PAPPA: variants seen among roughly 807,000 people sequenced by gnomAD.
PAPPA encodes pappalysin-1.
In PAPPA, 60 loss-of-function variants were observed where a neutral mutation model predicts 164.0. The ratio of observed to expected loss-of-function variants is 0.37; its 90% CI spans 0.30 to 0.45. PAPPA has a LOEUF of 0.45. Ranked by LOEUF, PAPPA falls within the 20% of genes least tolerant of loss-of-function variation. PAPPA has a pLI of 1.00. For missense variants in PAPPA, 1,782 were observed against 2,087.3 expected (o/e 0.85, Z 2.85); for synonymous variants, 875 against 814.1 (o/e 1.07, Z -1.27).
At chr9:116,312,909 T>G (rs1368634848) in intron 10 of PAPPA, among the ~76,000 whole-genome samples, 1 of 151,602 alleles carries the variant, frequency 6.6e-6, no homozygotes, top group Non-Finnish European at 1.5e-5. Context: ...CGGTGAAACC[T>G]CATCTCTACT....
intron 7 of PAPPA, among the ~76,000 whole-genome samples, chr9:116,244,235 C>G (rs1844770097): frequency 6.6e-6 from 1 of 152,100 alleles, no homozygotes; most frequent in African/African-American, 2.4e-5. Flanking sequence ...CTGTTTGGTG[C>G]TAATACCACC....
intron 1 of PAPPA, among the ~76,000 whole-genome samples, chr9:116,182,150 A>C (rs1313576500): frequency 6.6e-6 from 1 of 152,208 alleles, no homozygotes; most frequent in East Asian, 1.9e-4. Context: ...GTCTATCCTG[A>C]AGAGGGAGCA....
chr9:116,348,348 G>C (rs1229594652), intron 15 of PAPPA, among the ~76,000 whole-genome samples: 2 of 151,442 alleles, frequency 1.3e-5, no homozygotes, highest in African/African-American at 4.9e-5. Context: ...CACCTAATTT[G>C]CCCTCCCACC....
intron 9 of PAPPA, among the ~76,000 whole-genome samples, chr9:116,291,635 T>C (rs910756140): frequency 1.3e-5 from 2 of 152,044 alleles, no homozygotes; most frequent in Non-Finnish European, 2.9e-5. Flanking sequence ...GCCAGAAATA[T>C]CTGAAAATTC....
chr9:116,192,384 T>C (rs1423048328), intron 2 of PAPPA, among the ~76,000 whole-genome samples: 1 of 152,208 alleles, frequency 6.6e-6, no homozygotes, highest in Non-Finnish European at 1.5e-5. Flanking sequence ...ATCCAGACCA[T>C]GAGCAGAGAA....
intron 1 of PAPPA, among the ~76,000 whole-genome samples, chr9:116,160,075 C>T (rs947909366): frequency 6.6e-6 from 1 of 152,166 alleles, no homozygotes; most frequent in African/African-American, 2.4e-5. Flanking sequence ...ACGGGTGTTT[C>T]CCAAAGCCTT....
At chr9:116,250,015 G>A (rs1157888549) in intron 7 of PAPPA, among the ~76,000 whole-genome samples, 1 of 45,274 alleles carries the variant, frequency 2.2e-5, no homozygotes, top group Non-Finnish European at 5.1e-5. Context: ...ACCTGCATAT[G>A]TGTGTGTGTG....
intron 10 of PAPPA, among the ~76,000 whole-genome samples, chr9:116,326,014 C>T (rs1845916087): frequency 6.6e-6 from 1 of 152,092 alleles, no homozygotes; most frequent in South Asian, 2.1e-4. Flanking sequence ...ATAGGCATTG[C>T]TACTTAGAAG....
chr9:116,162,922 G>C lies in PAPPA; in HGVS notation c.415+8335G>C, dbSNP rs552159552. ...AAAATTTAAACAACTAAAATGAAAG[G>C]CTAACAAGATAAACACATTATTGTG... is the stretch of plus-strand genomic sequence containing the variant. On this transcript the variant is annotated intron_variant, in intron 1 of 21. Coordinates refer to ENST00000328252, the MANE Select transcript of PAPPA (RefSeq NM_002581.5). Among the ~76,000 whole-genome samples the C allele has an allele frequency of 9.9e-5, 15 of 152,132 alleles. No individual in the cohort carries two copies. The South Asian group carries it at 2.7e-3, about 27-fold the overall frequency.
At chr9:116,359,364 G>A (rs1846394326) in intron 17 of PAPPA, among the ~76,000 whole-genome samples, 1 of 152,156 alleles carries the variant, frequency 6.6e-6, no homozygotes, top group East Asian at 1.9e-4. Flanking sequence ...AGCTCAATAT[G>A]CGCTTGTAAA....
chr9:116,206,822 G>C (rs1490879188), intron 2 of PAPPA, among the ~76,000 whole-genome samples: 2 of 152,148 alleles, frequency 1.3e-5, no homozygotes, highest in Non-Finnish European at 2.9e-5. Flanking sequence ...TTGTTCATTA[G>C]AGAACAAAAT....
chr9:116,193,518 C>A (rs1348015389), intron 2 of PAPPA, among the ~76,000 whole-genome samples: 1 of 152,146 alleles, frequency 6.6e-6, no homozygotes, highest in Non-Finnish European at 1.5e-5. Context: ...GGGGCAGACA[C>A]TGACGCAAAC....
chr9:116,285,002 G>A (rs1032293802), intron 9 of PAPPA, among the ~76,000 whole-genome samples: 2 of 152,024 alleles, frequency 1.3e-5, no homozygotes, highest in African/African-American at 2.4e-5. Context: ...CTAAAGTGCA[G>A]ACACCTTTTG....
At chr9:116,378,893 G>C (rs904506546) in intron 20 of PAPPA, among the ~76,000 whole-genome samples, 1 of 152,138 alleles carries the variant, frequency 6.6e-6, no homozygotes, top group East Asian at 1.9e-4. Context: ...CTGCATTGTT[G>C]AGGGATTTCC....
At chr9:116,248,414 A>G (rs778761723) in intron 7 of PAPPA, among the ~76,000 whole-genome samples, 1 of 152,312 alleles carries the variant, frequency 6.6e-6, no homozygotes, top group Non-Finnish European at 1.5e-5. Context: ...TTCTGTTCAG[A>G]TTATCCTTTA....
intron 7 of PAPPA, among the ~76,000 whole-genome samples, chr9:116,246,814 A>G (rs189077216): frequency 7.8e-4 from 119 of 152,328 alleles, no homozygotes; most frequent in Admixed American, 2.9e-3. Flanking sequence ...AAAGAGTTCA[A>G]GACCAGCCTG....
chr9:116,234,575 G>A (rs1025168372), intron 6 of PAPPA, among the ~76,000 whole-genome samples: 33 of 152,254 alleles, frequency 2.2e-4, no homozygotes, highest in African/African-American at 6.3e-4. Context: ...TTTTACCAAT[G>A]GCAGTAATAC....
At chr9:116,254,078 G>A (rs961824213) in intron 7 of PAPPA, among the ~76,000 whole-genome samples, 1 of 152,006 alleles carries the variant, frequency 6.6e-6, no homozygotes, top group African/African-American at 2.4e-5. Context: ...TACCTCCTTG[G>A]GAAATTTTCT....
intron 21 of PAPPA, among the ~76,000 whole-genome samples, chr9:116,387,536 G>A (rs757079932): frequency 1.3e-5 from 2 of 152,084 alleles, no homozygotes; most frequent in Non-Finnish European, 2.9e-5. Context: ...ATCACACCAT[G>A]CTAATTTTCA....
Sources: allele counts gnomAD v4.1 joint callset (sites outside exome capture counted in the v4.1 genomes callset), GRCh38; gene constraint gnomAD v4.1.1; transcripts MANE v1.5; gene names NCBI Gene and HGNC (gene_info 2026-07-23, HGNC 2026-07-21).